Variants in ASTN2 observed in about 807,000 individuals in gnomAD.
ASTN2 encodes the protein astrotactin-2.
Under a neutral mutation model 139.8 loss-of-function variants are expected in ASTN2, and 54 were observed. The ratio of observed to expected loss-of-function variants is 0.39; its 90% CI spans 0.31 to 0.48. The LOEUF (loss-of-function observed/expected upper bound fraction) is 0.48. Ranked by LOEUF, ASTN2 falls within the 20% of genes least tolerant of loss-of-function variation. The pLI is 0.95. For synonymous variants in ASTN2, 756 were observed against 719.5 expected (o/e 1.05, Z -0.81); for missense variants, 1,565 against 1,725.1 (o/e 0.91, Z 1.64).
At chr9:117,004,773 A>T (rs12340204) in intron 7 of ASTN2, among the ~76,000 whole-genome samples, 2,016 of 152,256 alleles carry the variant, frequency 0.013, 44 homozygotes, top group African/African-American at 0.045. Flanking sequence ...ACCAATAACA[A>T]TTATAGGGGG....
At chr9:116,441,439 T>A (rs1007428715) in intron 21 of ASTN2, among the ~76,000 whole-genome samples, 1 of 151,540 alleles carries the variant, frequency 6.6e-6, no homozygotes, top group South Asian at 2.1e-4. Flanking sequence ...TCTGGAAACT[T>A]AAGAGTAAAA....
At chr9:116,683,833 GT>G (rs35442071) in intron 16 of ASTN2, among the ~76,000 whole-genome samples, 142,212 of 152,300 alleles carry the variant, frequency 0.93, 66,434 homozygotes, top group East Asian at 0.97. Flanking sequence ...GTAAGAATCT[GT>G]TTTTGTCTTG....
chr9:116,998,701 A>G (rs765022813), intron 7 of ASTN2, among the ~76,000 whole-genome samples: 2 of 152,206 alleles, frequency 1.3e-5, no homozygotes, highest in Admixed American at 1.3e-4. Context: ...GTATATACCC[A>G]TATACAAATG....
intron 3 of ASTN2, among the ~76,000 whole-genome samples, chr9:117,209,484 T>A (rs1832049115): frequency 6.6e-6 from 1 of 151,960 alleles, no homozygotes; most frequent in Non-Finnish European, 1.5e-5. Context: ...AATAAAGAGA[T>A]CAATACAGCA....
intron 10 of ASTN2, among the ~76,000 whole-genome samples, chr9:116,973,841 C>A (rs1336900145): frequency 2.6e-5 from 4 of 152,118 alleles, no homozygotes; most frequent in Non-Finnish European, 5.9e-5. Flanking sequence ...CTTTATAAAT[C>A]TATTCTTTTT....
chr9:117,391,272 G>A (rs980897510), intron 1 of ASTN2, among the ~76,000 whole-genome samples: 1 of 152,082 alleles, frequency 6.6e-6, no homozygotes, highest in South Asian at 2.1e-4. Context: ...ATTTAAGTAT[G>A]AGTCCATTTT....
chr9:117,161,456 C>T (rs191531637), intron 3 of ASTN2, among the ~76,000 whole-genome samples: 3 of 152,090 alleles, frequency 2.0e-5, no homozygotes, highest in African/African-American at 7.2e-5. Flanking sequence ...TGCAGTGGTG[C>T]AATCTCGGCT....
intron 10 of ASTN2, among the ~76,000 whole-genome samples, chr9:116,888,131 G>C (rs1329920698): frequency 6.6e-6 from 1 of 152,066 alleles, no homozygotes; most frequent in East Asian, 1.9e-4. Context: ...TGGCATGGTG[G>C]GTGGCTCATG....
At chr9:116,444,798 A>G (rs1364759908) in intron 20 of ASTN2, among the ~76,000 whole-genome samples, 1 of 152,150 alleles carries the variant, frequency 6.6e-6, no homozygotes, top group Non-Finnish European at 1.5e-5. Flanking sequence ...ACCTCTCTGC[A>G]CCCAACATCT....
chr9:117,299,235 C>T (rs908570602), intron 1 of ASTN2, among the ~76,000 whole-genome samples: 3 of 152,104 alleles, frequency 2.0e-5, no homozygotes, highest in African/African-American at 4.8e-5. Flanking sequence ...CTTTTCTCTA[C>T]GTTTTTTATA....
intron 1 of ASTN2, among the ~76,000 whole-genome samples, chr9:117,313,150 A>C (rs972713862): frequency 6.6e-6 from 1 of 152,148 alleles, no homozygotes; most frequent in Non-Finnish European, 1.5e-5. Flanking sequence ...TGGCAATCTC[A>C]ATCTCCTCTG....
intron 10 of ASTN2, among the ~76,000 whole-genome samples, chr9:116,966,792 C>G (rs944305844): frequency 1.3e-5 from 2 of 151,918 alleles, no homozygotes; most frequent in Non-Finnish European, 2.9e-5. Context: ...TACCCACACT[C>G]TTTCCCCTTC....
chr9:116,489,921 C>T (rs1237568033), intron 19 of ASTN2, among the ~76,000 whole-genome samples: 1 of 152,132 alleles, frequency 6.6e-6, no homozygotes, highest in Non-Finnish European at 1.5e-5. Context: ...ATTTCAGCTG[C>T]CACTGCAAGA....
intron 10 of ASTN2, among the ~76,000 whole-genome samples, chr9:116,941,313 T>C (rs1362808537): frequency 6.6e-6 from 1 of 152,168 alleles, no homozygotes; most frequent in Non-Finnish European, 1.5e-5. Context: ...CTGACTTTTT[T>C]TTTTTTAAGT....
At chr9:117,199,866 T>C (rs1047737352) in intron 3 of ASTN2, among the ~76,000 whole-genome samples, 2 of 152,056 alleles carry the variant, frequency 1.3e-5, no homozygotes, top group African/African-American at 4.8e-5. Context: ...GCTGTATTCC[T>C]AGGTATTTTA....
In ASTN2 at chr9:117,414,816, C is replaced by T; in HGVS notation, c.123G>A (p.Leu41=). ...LLPLLLLFLL[L]LPPPPLLAGA... Reference sequence around the variant, plus strand: ...CGGCCAGCAGCGGCGGCGGCGGCAGCAGGAGCAGGAACAGCAGCAGCAGCG... The same window carrying T: ...CGGCCAGCAGCGGCGGCGGCGGCAGTAGGAGCAGGAACAGCAGCAGCAGCG... The change falls in exon 1 of 23, where the codon CTG becomes CTA. Residue 41 remains leucine (L), a synonymous_variant. Coordinates refer to ENST00000313400, the MANE Select transcript of ASTN2 (RefSeq NM_001365068.1). This position sits in a 1 kb window ranked among gnomAD's most constrained non-coding sequence, Gnocchi z 4.2. The T allele has an allele frequency of 8.2e-7, 1 of 1,216,898 alleles. No homozygotes were observed. Among genetic ancestry groups the T allele is most frequent in the Non-Finnish European group, 1.0e-6 (1 of 977,262 alleles). 75.4% of individuals were successfully genotyped at this position (1,216,898 alleles called of 1,614,324 possible).
At chr9:117,059,800 A>G (rs188839799) in intron 5 of ASTN2, among the ~76,000 whole-genome samples, 18 of 152,258 alleles carry the variant, frequency 1.2e-4, no homozygotes, top group African/African-American at 2.6e-4. Flanking sequence ...TCTCTAATCA[A>G]CAAATACTTA....
At chr9:116,567,120 G>A (rs773869586) in intron 19 of ASTN2, among the ~76,000 whole-genome samples, 2 of 152,226 alleles carry the variant, frequency 1.3e-5, no homozygotes, top group African/African-American at 4.8e-5. Flanking sequence ...TTGAGTGCTG[G>A]TAAATGTTTA....
chr9:116,957,828 A>C (rs1002493784), intron 10 of ASTN2, among the ~76,000 whole-genome samples: 2 of 152,146 alleles, frequency 1.3e-5, no homozygotes, highest in Admixed American at 1.3e-4. Context: ...CTACAGGCAC[A>C]TGCCACCACA....
Sources: allele counts gnomAD v4.1 joint callset (sites outside exome capture counted in the v4.1 genomes callset), GRCh38; gene constraint gnomAD v4.1.1; non-coding constraint Gnocchi (gnomAD v3.1); transcripts MANE v1.5; gene names NCBI Gene and HGNC (gene_info 2026-07-23, HGNC 2026-07-21).